FOCAD: variants seen among roughly 807,000 people sequenced by gnomAD.
FOCAD encodes the protein KIAA1797.
In FOCAD, 198 loss-of-function variants were observed where a neutral mutation model predicts 225.6. The observed-to-expected ratio is 0.88, with a 90% CI of 0.78 to 0.99. FOCAD has a LOEUF of 0.99. Ranked by LOEUF, FOCAD falls within the 50% of genes least tolerant of loss-of-function variation. The probability of loss-of-function intolerance (pLI) is 0.00; values close to 1 mark genes in which losing one functional copy is unlikely to be tolerated. For missense variants in FOCAD, 2,713 were observed against 2,123.6 expected (o/e 1.28, Z -5.46); for synonymous variants, 897 against 755.0 (o/e 1.19, Z -3.08).
chr9:20,865,792 A>G, intron 16 of FOCAD, 134 bp from the exon 17 acceptor site: 1 of 591,494 alleles, frequency 1.7e-6, no homozygotes, highest in Non-Finnish European at 3.0e-6. Flanking sequence ...ATGATGGGTG[A>G]ATACACATTA....
intron 1 of FOCAD, among the ~76,000 whole-genome samples, chr9:20,704,179 C>T (rs956721862): frequency 6.6e-6 from 1 of 152,180 alleles, no homozygotes; most frequent in South Asian, 2.1e-4. Context: ...AACAGTACTG[C>T]GATAACTTTG....
intron 24 of FOCAD, among the ~76,000 whole-genome samples, chr9:20,920,217 C>A (rs1452816359): frequency 1.3e-5 from 2 of 151,068 alleles, no homozygotes; most frequent in South Asian, 2.1e-4. Flanking sequence ...AAAAAATGCT[C>A]ACCATCACTG....
chr9:20,933,201 T>A (rs1157657428), intron 28 of FOCAD, 98 bp downstream of exon 28: 2 of 857,100 alleles, frequency 2.3e-6, no homozygotes, highest in Non-Finnish European at 3.7e-6. Context: ...TTTATTTTTA[T>A]TTTTTATTTC....
chr9:20,683,984 C>G (rs1478797529), upstream of FOCAD: 1 of 152,316 alleles, frequency 6.6e-6, no homozygotes, highest in East Asian at 1.9e-4. Context: ...TCTGATTTTC[C>G]TTGGGCTAAC....
Position 20,983,312 on chromosome 9 carries a change from G to A in FOCAD, c.4728+866G>A, listed in dbSNP as rs191647615. On this transcript the variant is annotated intron_variant, in intron 39 of 43. Transcript: ENST00000338382. ...TTTGGGGCCAGGTGCGGTGGCTCAC[G>A]CCTGTAATCCCAGCACTTTGGGAGG... Among the ~76,000 whole-genome samples, 564 of 152,224 alleles carry A rather than the reference G, an allele frequency of 3.7e-3. 5 individuals are homozygous for A. The highest frequency in any genetic ancestry group is 0.013 in the African/African-American group (546 of 41,548).
chr9:20,699,403 A>G (rs1003558230), intron 1 of FOCAD, among the ~76,000 whole-genome samples: 1 of 151,964 alleles, frequency 6.6e-6, no homozygotes, highest in African/African-American at 2.4e-5. Context: ...GCCTGTATGT[A>G]TGAAAATCAT....
At chr9:20,770,263 G>T in intron 8 of FOCAD, 25 bp downstream of exon 8, 1 of 1,567,272 alleles carries the variant, frequency 6.4e-7, no homozygotes, top group Non-Finnish European at 8.8e-7. Context: ...ATATTATACT[G>T]TTCATGCATT....
At chr9:20,669,237 GC>G (rs1821986198) in intron 2 of FOCAD, among the ~76,000 whole-genome samples, 2 of 151,982 alleles carry the variant, frequency 1.3e-5, no homozygotes, top group African/African-American at 4.8e-5. Flanking sequence ...CTGGAGAGAG[GC>G]CCTCCTTAGA....
At chr9:20,856,145 T>C (rs1564076526) in intron 15 of FOCAD, among the ~76,000 whole-genome samples, 1 of 151,938 alleles carries the variant, frequency 6.6e-6, no homozygotes, top group Non-Finnish European at 1.5e-5. Context: ...ATGGCAGTTC[T>C]ATTTTTAATT....
chr9:20,845,175 A>G (rs1826953058), intron 15 of FOCAD, among the ~76,000 whole-genome samples: 1 of 152,150 alleles, frequency 6.6e-6, no homozygotes, highest in African/African-American at 2.4e-5. Flanking sequence ...TAGAATATGC[A>G]TATTGGTTTT....
chr9:20,868,385 C>G (rs1175409963), intron 18 of FOCAD, among the ~76,000 whole-genome samples: 3 of 152,060 alleles, frequency 2.0e-5, no homozygotes, highest in African/African-American at 7.2e-5. Context: ...CCAGCATACT[C>G]TTGACATTTA....
chr9:20,758,598 A>G (rs201822188), intron 6 of FOCAD, among the ~76,000 whole-genome samples: 3 of 146,052 alleles, frequency 2.1e-5, no homozygotes, highest in Non-Finnish European at 4.5e-5. Flanking sequence ...TCCCACCTAT[A>G]AGTGAGACTA....
chr9:20,801,849 G>C (rs1243934758), intron 11 of FOCAD, among the ~76,000 whole-genome samples: 1 of 152,128 alleles, frequency 6.6e-6, no homozygotes, highest in African/African-American at 2.4e-5. Context: ...TGGTGGATTT[G>C]GTGGGAAAAG....
At chr9:20,724,251 T>G (rs1410141910) in intron 4 of FOCAD, among the ~76,000 whole-genome samples, 1 of 152,224 alleles carries the variant, frequency 6.6e-6, no homozygotes, top group Non-Finnish European at 1.5e-5. Context: ...TGCATAATAT[T>G]CCATTGTGTG....
intron 1 of FOCAD, among the ~76,000 whole-genome samples, chr9:20,703,783 C>T (rs1824166487): frequency 6.6e-6 from 1 of 152,192 alleles, no homozygotes; most frequent in South Asian, 2.1e-4. Flanking sequence ...CACATTTCTA[C>T]AGTGCCTGCT....
chr9:20,914,492 G>A (rs1456387381), intron 23 of FOCAD, among the ~76,000 whole-genome samples: 1 of 152,162 alleles, frequency 6.6e-6, no homozygotes, highest in African/African-American at 2.4e-5. Flanking sequence ...GGTGTTCAGG[G>A]TCTCTTTAAT....
chr9:20,988,970 T>A (rs1338005500), intron 41 of FOCAD, among the ~76,000 whole-genome samples: 1 of 152,204 alleles, frequency 6.6e-6, no homozygotes, highest in East Asian at 1.9e-4. Context: ...CCTGCAAAAT[T>A]ACCTATGACT....
At chr9:20,880,033 A>G (rs527437126) in intron 19 of FOCAD, among the ~76,000 whole-genome samples, 2 of 152,312 alleles carry the variant, frequency 1.3e-5, no homozygotes, top group East Asian at 1.9e-4. Flanking sequence ...GTCTATAATT[A>G]TACCCACTTT....
At chr9:20,788,910 G>T (rs1820227965) in intron 10 of FOCAD, among the ~76,000 whole-genome samples, 1 of 152,094 alleles carries the variant, frequency 6.6e-6, no homozygotes, top group Non-Finnish European at 1.5e-5. Flanking sequence ...TTACAGAAAT[G>T]AATTGTCCTC....
Sources: allele counts gnomAD v4.1 joint callset (sites outside exome capture counted in the v4.1 genomes callset), GRCh38; gene constraint gnomAD v4.1.1; transcripts MANE v1.5; gene names NCBI Gene and HGNC (gene_info 2026-07-23, HGNC 2026-07-21).